AGBL1: variants seen among roughly 807,000 people sequenced by gnomAD.
The protein encoded by AGBL1 is AGBL carboxypeptidase 1.
Under a neutral mutation model 118.9 loss-of-function variants are expected in AGBL1, and 130 were observed. The observed-to-expected ratio is 1.09, with a 90% CI of 0.95 to 1.26. The LOEUF (loss-of-function observed/expected upper bound fraction) is 1.26, where lower values mean the gene tolerates loss of function less well. AGBL1 is among the 50% of genes most tolerant of loss of function. The probability of loss-of-function intolerance (pLI) is 0.00; values close to 1 mark genes in which losing one functional copy is unlikely to be tolerated. For missense variants in AGBL1, 1,584 were observed against 1,298.1 expected (o/e 1.22, Z -3.38); for synonymous variants, 555 against 478.9 (o/e 1.16, Z -2.08).
chr15:86,424,191 C>T (rs1248902562), intron 18 of AGBL1, among the ~76,000 whole-genome samples: 2 of 151,962 alleles, frequency 1.3e-5, no homozygotes, highest in Non-Finnish European at 2.9e-5. Flanking sequence ...AAAGCAGATA[C>T]ATAGACCAAT....
At chr15:86,325,578 G>A (rs1254149025) in intron 17 of AGBL1, among the ~76,000 whole-genome samples, 3 of 152,024 alleles carry the variant, frequency 2.0e-5, no homozygotes, top group African/African-American at 4.8e-5. Flanking sequence ...GGGAGTCTTC[G>A]CCTCTGCTGC....
At chr15:86,406,885 A>G (rs1471351885) in intron 18 of AGBL1, among the ~76,000 whole-genome samples, 4 of 152,214 alleles carry the variant, frequency 2.6e-5, no homozygotes, top group Non-Finnish European at 1.5e-5. Context: ...TCTTCATTAT[A>G]AACTGTAGAA....
chr15:86,184,589 G>A (rs1047745902), intron 5 of AGBL1, among the ~76,000 whole-genome samples: 6 of 151,948 alleles, frequency 3.9e-5, no homozygotes, highest in African/African-American at 1.2e-4. Flanking sequence ...CATTCTCCCC[G>A]TCACTTTCAG....
At chr15:86,313,949 T>C (rs1011423557) in intron 17 of AGBL1, among the ~76,000 whole-genome samples, 3 of 152,112 alleles carry the variant, frequency 2.0e-5, no homozygotes, top group East Asian at 3.9e-4. Flanking sequence ...AGAGACAGGG[T>C]TGGAAGGCAC....
At chr15:86,518,584 A>G (rs892725836) in intron 18 of AGBL1, among the ~76,000 whole-genome samples, 19 of 152,126 alleles carry the variant, frequency 1.2e-4, no homozygotes, top group African/African-American at 4.6e-4. Context: ...TATGCCCCAC[A>G]AAAACCTCAG....
At chr15:86,223,656 A>G (rs1328993224) in intron 5 of AGBL1, among the ~76,000 whole-genome samples, 2 of 152,028 alleles carry the variant, frequency 1.3e-5, no homozygotes, top group African/African-American at 4.8e-5. Flanking sequence ...TAACTGCCCT[A>G]TGGTCATTTT....
At chr15:86,956,350 T>G (rs2080931682) in intron 23 of AGBL1, among the ~76,000 whole-genome samples, 1 of 151,846 alleles carries the variant, frequency 6.6e-6, no homozygotes, top group African/African-American at 2.4e-5. Context: ...AGATGATAGA[T>G]GAAAAGAGAG....
chr15:86,271,496 G>A, intron 14 of AGBL1, 123 bp from the exon 15 acceptor site: 1 of 753,568 alleles, frequency 1.3e-6, no homozygotes, highest in Non-Finnish European at 2.3e-6. Context: ...AAATCTCTTT[G>A]GCGATATATA....
chr15:86,935,733 T>A lies in AGBL1; in HGVS notation c.3222-52254T>A, dbSNP rs558531131. 2.6e-5 allele frequency among the ~76,000 whole-genome samples: 4 copies of A among 152,192 alleles called. No homozygotes were observed. In the South Asian group the frequency reaches 6.2e-4, roughly 24 times the overall value. ...CTGACTAAAAATGAAATCTTGTTGT[T>A]GTCATGCTGTGGGATTTGCAAAGAG... On this transcript the variant is annotated intron_variant, in intron 23 of 24. Coordinates refer to the AGBL1 transcript ENST00000441037.
chr15:86,235,193 T>A (rs993274170), intron 6 of AGBL1, among the ~76,000 whole-genome samples: 8 of 152,368 alleles, frequency 5.3e-5, no homozygotes, highest in African/African-American at 1.7e-4. Flanking sequence ...TGTTTTATTC[T>A]TATTTCTTAA....
intron 22 of AGBL1, among the ~76,000 whole-genome samples, chr15:86,826,687 G>A (rs2141401627): frequency 6.6e-6 from 1 of 152,242 alleles, no homozygotes; most frequent in Non-Finnish European, 1.5e-5. Flanking sequence ...CACTGAGAGA[G>A]AACTCTGCAC....
At chr15:86,601,522 A>G (rs999036133) in intron 21 of AGBL1, among the ~76,000 whole-genome samples, 1 of 152,170 alleles carries the variant, frequency 6.6e-6, no homozygotes, top group Non-Finnish European at 1.5e-5. Context: ...AATTAATTCA[A>G]TGAATTAATA....
chr15:86,728,974 T>C (rs12593178), intron 22 of AGBL1, among the ~76,000 whole-genome samples: 1,857 of 152,306 alleles, frequency 0.012, 27 homozygotes, highest in East Asian at 0.068. Context: ...TCAGTACATT[T>C]AGTTTGTAGA....
At chr15:86,187,872 C>T (rs2077657789) in intron 5 of AGBL1, among the ~76,000 whole-genome samples, 1 of 152,182 alleles carries the variant, frequency 6.6e-6, no homozygotes. Flanking sequence ...ACGCTGCTTC[C>T]TTTTACGTTG....
intron 1 of AGBL1, among the ~76,000 whole-genome samples, chr15:86,093,373 C>A (rs1331368161): frequency 6.6e-6 from 1 of 152,100 alleles, no homozygotes; most frequent in Non-Finnish European, 1.5e-5. Flanking sequence ...ATTTAAAAAC[C>A]AGGCATTAGA....
intron 17 of AGBL1, among the ~76,000 whole-genome samples, chr15:86,303,524 G>C (rs371078145): frequency 2.0e-5 from 3 of 152,148 alleles, no homozygotes; most frequent in African/African-American, 7.2e-5. Context: ...TGTTGTCGGG[G>C]GATAAGAAGT....
chr15:86,441,730 G>C (rs761577798), intron 18 of AGBL1, among the ~76,000 whole-genome samples: 1 of 152,124 alleles, frequency 6.6e-6, no homozygotes, highest in South Asian at 2.1e-4. Context: ...CCAACCAAAG[G>C]GTCCATTACC....
intron 17 of AGBL1, among the ~76,000 whole-genome samples, chr15:86,311,846 C>G (rs1159241030): frequency 6.6e-6 from 1 of 152,186 alleles, no homozygotes; most frequent in Non-Finnish European, 1.5e-5. Context: ...TCCCTTGCAG[C>G]TGGTGGAAAT....
intron 22 of AGBL1, among the ~76,000 whole-genome samples, chr15:86,832,875 A>T (rs2079124589): frequency 6.6e-6 from 1 of 152,174 alleles, no homozygotes; most frequent in African/African-American, 2.4e-5. Context: ...GTCTGTTCTC[A>T]TGCTGCTAAT....
Sources: gnomAD v4.1 joint callset for allele counts (sites outside exome capture counted in the v4.1 genomes callset) on GRCh38, gnomAD v4.1.1 for gene constraint, MANE v1.5 for transcripts, NCBI Gene and HGNC (gene_info 2026-07-23, HGNC 2026-07-21) for gene names.